ODAD1: variants seen among roughly 807,000 people sequenced by gnomAD.
The protein encoded by ODAD1 is outer dynein arm-docking complex subunit 1.
In ODAD1, 49 loss-of-function variants were observed where a neutral mutation model predicts 67.2. That is an observed-to-expected ratio of 0.73 (90% CI 0.58 to 0.92). ODAD1 has a LOEUF of 0.92. Among genes scored for constraint, ODAD1 ranks in the 40% least tolerant of loss-of-function variants. The pLI is 0.00. For missense variants in ODAD1, 897 were observed against 953.7 expected (o/e 0.94, Z 0.78); for synonymous variants, 345 against 393.7 (o/e 0.88, Z 1.46).
chr19:48,300,559 A>C (rs1968436308), intron 12 of ODAD1, among the ~76,000 whole-genome samples: 1 of 152,132 alleles, frequency 6.6e-6, no homozygotes, highest in Non-Finnish European at 1.5e-5. Context: ...AAACTAAGAA[A>C]CTTCAGTTCA....
intron 14 of ODAD1, 83 bp from the exon 15 acceptor site, chr19:48,297,751 C>A: frequency 8.2e-7 from 1 of 1,212,754 alleles, no homozygotes; most frequent in South Asian, 1.7e-5. Context: ...ACCCCGGGAG[C>A]CTCAGCCATT....
In ODAD1 at chr19:48,320,325, C is replaced by T. The variant is rs1969000906; in HGVS notation, c.44G>A (p.Gly15Glu). The T allele has an allele frequency of 1.6e-6, 2 of 1,289,084 alleles. No homozygotes were observed. Among genetic ancestry groups the T allele is most frequent in the South Asian group, 2.5e-5 (2 of 80,946 alleles). 79.9% of individuals were successfully genotyped at this position (1,289,084 alleles called of 1,614,324 possible). A position where few individuals can be genotyped will look rare whatever the true frequency, so the allele number is the denominator to read the frequency against. Residue 15 changes from glycine to glutamate, a missense_variant, in exon 3 of 16, where the codon GGA (glycine) becomes GAA (glutamate). By Grantham distance (98) the Gly-to-Glu change is moderately conservative. Transcript: ENST00000674294. ...RLAGSARSEE[G>E]SEAFLEGMVD... is the part of the protein sequence containing the mutation. Reference sequence around the variant, plus strand: ...CATTCCCTCCAGAAATGCCTCGCTTCCCTCCTCGGAGCGGGCGCTCCCTGC... The same window carrying T: ...CATTCCCTCCAGAAATGCCTCGCTTTCCTCCTCGGAGCGGGCGCTCCCTGC...
chr19:48,317,383 A>G (rs1968927844), intron 5 of ODAD1, among the ~76,000 whole-genome samples: 2 of 152,146 alleles, frequency 1.3e-5, no homozygotes, highest in African/African-American at 2.4e-5. Context: ...AAGGTCAAAT[A>G]GCAAGGTCCC....
intron 12 of ODAD1, among the ~76,000 whole-genome samples, chr19:48,302,367 AATGGATGGATGG>A (rs3077987): frequency 2.9e-4 from 41 of 142,630 alleles, no homozygotes; most frequent in South Asian, 1.2e-3. Flanking sequence ...ACAGACGTTG[AATGGATGGATGG>A]ATGGATGGAT....
chr19:48,300,169 G>T (rs1968422594), intron 12 of ODAD1, among the ~76,000 whole-genome samples: 2 of 152,112 alleles, frequency 1.3e-5, no homozygotes. Flanking sequence ...AGTTGGGCGT[G>T]GTGGCGGGCA....
intron 7 of ODAD1, among the ~76,000 whole-genome samples, chr19:48,307,951 A>T (rs1968660139): frequency 6.6e-6 from 1 of 152,120 alleles, no homozygotes; most frequent in African/African-American, 2.4e-5. Context: ...GATTACCCAG[A>T]CTATCTTCGT....
Position 48,302,702 on chromosome 19 carries a change from A to C in ODAD1, c.1232T>G (p.Leu411Arg). 1 of 1,610,118 alleles carries C rather than the reference A, an allele frequency of 6.2e-7. No individual in the cohort carries two copies. The highest frequency in any genetic ancestry group is 8.5e-7 in the Non-Finnish European group (1 of 1,179,764). Residue 411 changes from leucine (L) to arginine (R), a missense_variant, in exon 12 of 16, where the codon CTC becomes CGC. By Grantham distance (102) the Leu-to-Arg change is moderately radical (BLOSUM62 -2). Coordinates refer to ENST00000674294, the MANE Select transcript of ODAD1 (RefSeq NM_001364171.2). ...FQDVRGQLEK[L>R]KADIQLLFTK... is the part of the protein sequence containing the mutation. ...CGCCCATGGGTGCTCACCAGCCTTG[A>C]GCTTCTCCAGCTGTCCCCGCACATC...
Position 48,297,075 on chromosome 19 carries a change from C to G in ODAD1, c.2025G>C (p.Ser675=). 1 of 1,613,200 alleles carries G rather than the reference C, an allele frequency of 6.2e-7. No homozygotes were observed. The highest frequency in any genetic ancestry group is 8.5e-7 in the Non-Finnish European group (1 of 1,179,558). The stretch of plus-strand genomic sequence containing the variant: ...CTCTGCTGGACCCGAGGCCTCCGCT[C>G]GAATCAGACGCTGTGCCTCCGCTCT... ...GVESGGTASD[S]SGGLGSSRDH... is the part of the protein sequence containing the mutation. The change falls in exon 16 of 16, where the codon TCG becomes TCC. Residue 675 remains serine (S), a synonymous_variant. Coordinates refer to ENST00000674294, the MANE Select transcript of ODAD1 (RefSeq NM_001364171.2).
Position 48,305,772 on chromosome 19 carries a change from C to T in ODAD1, c.665+484G>A, listed in dbSNP as rs543200345. ...TAATTTACATGCCCAAGAAAAAGAACAGGGCCGGTGGGGTGCAATGGCTCA... is the reference window on the plus strand; with the variant it reads ...TAATTTACATGCCCAAGAAAAAGAATAGGGCCGGTGGGGTGCAATGGCTCA... On this transcript the variant is annotated intron_variant, in intron 8 of 15. Coordinates refer to ENST00000674294, the MANE Select transcript of ODAD1 (RefSeq NM_001364171.2). Among the ~76,000 whole-genome samples, 4 of 151,954 alleles carry T rather than the reference C, an allele frequency of 2.6e-5. No individual in the cohort carries two copies. The South Asian group carries it at 8.3e-4, about 32-fold the overall frequency.
chr19:48,315,614 A>G (rs754790807), intron 5 of ODAD1, among the ~76,000 whole-genome samples: 38 of 152,080 alleles, frequency 2.5e-4, no homozygotes, highest in Middle Eastern at 3.4e-3. Flanking sequence ...TCGCCCCTAA[A>G]AGTTTCCTCA....
chr19:48,311,488 A>C, intron 7 of ODAD1, 65 bp downstream of exon 7: 2 of 909,518 alleles, frequency 2.2e-6, no homozygotes, highest in Non-Finnish European at 3.5e-6. Flanking sequence ...AGGAAGGGCA[A>C]ACAGCTGTGG....
chr19:48,298,901 G>A (rs1054059410), intron 12 of ODAD1, among the ~76,000 whole-genome samples: 9 of 152,146 alleles, frequency 5.9e-5, no homozygotes, highest in East Asian at 1.9e-4. Flanking sequence ...CAGCCATCAC[G>A]ACAGCAGGAA....
In ODAD1 at chr19:48,311,968, C is replaced by T. The variant is rs529851582; in HGVS notation, c.483+26G>A. 4.3e-4 allele frequency: 665 copies of T among 1,547,664 alleles called. 2 individuals carry two copies. The highest frequency in any genetic ancestry group is 2.1e-3 in the Middle Eastern group (11 of 5,208). ...CTTCCCATAACCGCACAATTCAGGT[C>T]GAGGGACCAGGAGTTTGACCCTCAC... On this transcript the variant is annotated intron_variant, in intron 6 of 15. Transcript: ENST00000674294.
rs753128385 is a variant in ODAD1 at position 48,297,984 on chromosome 19, C to A, written c.1502+16G>T. On this transcript the variant is annotated intron_variant, in intron 14 of 15. Coordinates refer to ENST00000674294, the MANE Select transcript of ODAD1 (RefSeq NM_001364171.2). ...AAGCCCCGTCCCCTCTGCGTCCCTC[C>A]TGCCCTGCGCCTCACAGAGTGTCAG... 8.7e-6 allele frequency: 14 copies of A among 1,601,066 alleles called. No homozygotes were observed. In the East Asian group the frequency reaches 3.1e-4, roughly 36 times the overall value.
Position 48,320,294 on chromosome 19 carries a change from A to C in ODAD1, c.70+5T>G. ...GGTGAATGATATAAAGAATGAATGAATTACCCATTCCCTCCAGAAATGCCT... is the reference window on the plus strand; with the variant it reads ...GGTGAATGATATAAAGAATGAATGACTTACCCATTCCCTCCAGAAATGCCT... On this transcript the variant is annotated splice_donor_5th_base_variant and intron_variant, in intron 3 of 15. Coordinates refer to ENST00000674294, the MANE Select transcript of ODAD1 (RefSeq NM_001364171.2). 7.8e-7 allele frequency: 1 copy of C among 1,278,410 alleles called. No individual in the cohort carries two copies. The highest frequency in any genetic ancestry group is 1.0e-6 in the Non-Finnish European group (1 of 978,908). The allele number at this position is 1,278,410 out of a possible 1,614,324, so 79.2% of individuals were successfully genotyped here. A position where few individuals can be genotyped will look rare whatever the true frequency, so the allele number is the denominator to read the frequency against.
chr19:48,308,946 AG>A (rs1355904543), intron 7 of ODAD1, among the ~76,000 whole-genome samples: 4 of 150,776 alleles, frequency 2.7e-5, no homozygotes. Flanking sequence ...GGGACAAGCG[AG>A]GGTCCTGCCC....
intron 8 of ODAD1, 74 bp downstream of exon 8, chr19:48,306,182 C>T (rs1382831340): frequency 1.3e-6 from 2 of 1,542,198 alleles, no homozygotes; most frequent in African/African-American, 1.4e-5. Flanking sequence ...CTGAACCTTC[C>T]CATCACTGCC....
In ODAD1 at chr19:48,318,581, C is replaced by A; in HGVS notation, c.171-5G>T. On this transcript the variant is annotated splice_polypyrimidine_tract_variant and splice_region_variant and intron_variant, in intron 4 of 15. Transcript: ENST00000674294. The stretch of plus-strand genomic sequence containing the variant: ...TCCAAGCGCCGGATCTCCTCACTAC[C>A]CAGGCAGGGAGGTGGAAGAGGGGCC... The A allele has an allele frequency of 6.5e-7, 1 of 1,550,200 alleles. No homozygotes were observed. Among genetic ancestry groups the A allele is most frequent in the Non-Finnish European group, 8.7e-7 (1 of 1,145,890 alleles).
intron 7 of ODAD1, among the ~76,000 whole-genome samples, chr19:48,309,338 C>T (rs557849979): frequency 9.2e-5 from 14 of 152,278 alleles, no homozygotes; most frequent in Non-Finnish European, 1.9e-4. Flanking sequence ...GGACTTGCAA[C>T]GTCTCCTCCA....
Sources: allele counts gnomAD v4.1 joint callset (sites outside exome capture counted in the v4.1 genomes callset), GRCh38; gene constraint gnomAD v4.1.1; transcripts MANE v1.5; gene names NCBI Gene and HGNC (gene_info 2026-07-23, HGNC 2026-07-21).